Variants in MAST2 observed in about 807,000 individuals in gnomAD.
MAST2 encodes microtubule associated serine/threonine kinase 2.
MAST2 carries 70 observed loss-of-function variants against 147.4 expected under a neutral mutation model. That is an observed-to-expected ratio of 0.47 (90% confidence interval 0.39 to 0.58). The LOEUF (loss-of-function observed/expected upper bound fraction) is 0.58. Ranked by LOEUF, MAST2 falls within the 20% of genes least tolerant of loss-of-function variation. MAST2 has a pLI of 0.00. For synonymous variants in MAST2, 869 were observed against 896.8 expected, an observed-to-expected ratio of 0.97 and a Z score of 0.55; for missense variants, 2,080 against 2,302.3, an observed-to-expected ratio of 0.90 and a Z score of 1.98.
chr1:45,942,245 A>G (rs1367947136), intron 4 of MAST2, among the ~76,000 whole-genome samples: 1 of 151,830 alleles, frequency 6.6e-6, no homozygotes, highest in East Asian at 1.9e-4. Flanking sequence ...GACTGTTGCT[A>G]TCTGGCTTTG....
chr1:45,971,287 C>T (rs544190768), intron 5 of MAST2, among the ~76,000 whole-genome samples: 1 of 152,312 alleles, frequency 6.6e-6, no homozygotes, highest in Non-Finnish European at 1.5e-5. Context: ...CTCTGGAGCA[C>T]AGGTGAGTCT....
intron 4 of MAST2, among the ~76,000 whole-genome samples, chr1:45,929,236 T>A (rs1654893992): frequency 6.6e-6 from 1 of 152,196 alleles, no homozygotes; most frequent in Admixed American, 6.5e-5. Context: ...TACCCTGAAG[T>A]ACAGATAATT....
rs71587722 is a variant in MAST2 at position 45,888,663 on chromosome 1, C to CTT, written c.500+6303_500+6304dup. 3.3e-4 allele frequency among the ~76,000 whole-genome samples: 16 copies of CTT among 48,726 alleles called. 2 individuals are homozygous for CTT. The highest frequency in any genetic ancestry group is 2.3e-3 in the East Asian group (4 of 1,708). The allele number at this position is 48,726 out of a possible 152,430, so 32.0% of individuals were successfully genotyped here. On this transcript the variant is annotated intron_variant, in intron 4 of 28. Transcript: ENST00000361297. Reference sequence around the variant, plus strand: ...AGGCGTGAGCCACCGCGCGCGGCCTCTTTTTTTTTTTTTTTTTTTTTTTTT... The same window carrying CTT: ...AGGCGTGAGCCACCGCGCGCGGCCTCTTTTTTTTTTTTTTTTTTTTTTTTTTT...
At chr1:45,917,901 A>G (rs1652828741) in intron 4 of MAST2, among the ~76,000 whole-genome samples, 1 of 152,166 alleles carries the variant, frequency 6.6e-6, no homozygotes, top group African/African-American at 2.4e-5. Context: ...AACAAGTTAA[A>G]TGGTTTGTTC....
chr1:46,024,378 G>A (rs919588031), intron 15 of MAST2: 20 of 251,652 alleles, frequency 7.9e-5, no homozygotes, highest in African/African-American at 4.2e-4. Context: ...GGCTTGCAAA[G>A]GGGACACCCC....
chr1:46,031,356 G>A lies in MAST2; in HGVS notation c.2993-35G>A. 1 of 1,585,890 alleles carries A rather than the reference G, an allele frequency of 6.3e-7. No homozygotes were observed. The highest frequency in any genetic ancestry group is 8.6e-7 in the Non-Finnish European group (1 of 1,162,382). On this transcript the variant is annotated intron_variant, in intron 23 of 28. Transcript: ENST00000361297. This position sits in a 1 kb window ranked among gnomAD's most constrained non-coding sequence, Gnocchi z 4.1. ...TACTGCAGGGCAGGGAGGCTCAGCG[G>A]CATCGCGGGTCTCACTGCTTACTTG... is the stretch of plus-strand genomic sequence containing the variant.
chr1:46,033,272 CAAA>C (rs59507952), intron 26 of MAST2, among the ~76,000 whole-genome samples: 3 of 95,062 alleles, frequency 3.2e-5, no homozygotes, highest in African/African-American at 4.0e-5. Context: ...ACTCTGTTTC[CAAA>C]AAAAAAAAAA....
chr1:45,983,718 C>A (rs931144198), intron 5 of MAST2, among the ~76,000 whole-genome samples: 5 of 152,102 alleles, frequency 3.3e-5, no homozygotes, highest in Non-Finnish European at 7.4e-5. Context: ...GTCTTAAACT[C>A]CTGAACTCCA....
chr1:46,028,904 C>T lies in MAST2; in HGVS notation c.2189C>T (p.Pro730Leu), dbSNP rs756675811. 33 of 1,605,676 alleles carry T rather than the reference C, an allele frequency of 2.1e-5. No individual in the cohort carries two copies. Among genetic ancestry groups the T allele is most frequent in the South Asian group, 3.4e-5 (3 of 89,538 alleles). Residue 730 changes from proline to leucine, a missense_variant, in exon 18 of 29, where the codon CCG (proline) becomes CTG (leucine). This residue lies in a region of MAST2 where 209 missense variants were observed against 309.5 expected (regional missense o/e 0.68). Coordinates refer to ENST00000361297, the MANE Select transcript of MAST2 (RefSeq NM_015112.3). ...VGCVPFFGDT[P>L]EELFGQVISD... ...TGCGTCCCTTTTTTTGGAGATACTC[C>T]GGAGGAGCTCTTTGGGCAGGTGATC...
At chr1:45,892,777 A>G (rs1648047999) in intron 4 of MAST2, among the ~76,000 whole-genome samples, 1 of 152,246 alleles carries the variant, frequency 6.6e-6, no homozygotes. Context: ...AGAGTCTCAT[A>G]TCATAAGAAT....
chr1:45,919,483 T>A (rs1653099262), intron 4 of MAST2, among the ~76,000 whole-genome samples: 1 of 152,226 alleles, frequency 6.6e-6, no homozygotes, highest in Non-Finnish European at 1.5e-5. Context: ...AACTAAAAGT[T>A]TAAGTGAAAC....
intron 3 of MAST2, among the ~76,000 whole-genome samples, chr1:45,835,375 A>G (rs1361009531): frequency 1.3e-5 from 2 of 152,178 alleles, no homozygotes; most frequent in Non-Finnish European, 2.9e-5. Context: ...CTACTAAAAA[A>G]CAGTGTGAGA....
chr1:45,811,406 T>C (rs1343988163), intron 1 of MAST2, among the ~76,000 whole-genome samples: 1 of 150,496 alleles, frequency 6.6e-6, no homozygotes, highest in Non-Finnish European at 1.5e-5. Flanking sequence ...TGGCGCGATC[T>C]CGGCTCACTG....
intron 3 of MAST2, among the ~76,000 whole-genome samples, chr1:45,850,397 TAACTC>T (rs1313313723): frequency 6.6e-6 from 1 of 152,236 alleles, no homozygotes; most frequent in Non-Finnish European, 1.5e-5. Context: ...TGTAGGCTGT[TAACTC>T]TACTGATTGT....
Position 46,030,618 on chromosome 1 carries a change from C to T in MAST2, c.2565C>T (p.Ser855=). 1 of 1,609,850 alleles carries T rather than the reference C, an allele frequency of 6.2e-7. No homozygotes were observed. Among genetic ancestry groups the T allele is most frequent in the Non-Finnish European group, 8.5e-7 (1 of 1,178,772 alleles). The stretch of plus-strand genomic sequence containing the variant: ...CCCTGTGCCCACAGGTGTACAGCAG[C>T]ATGGAGCGGCTCTCACTGCTCGAGG... The part of the protein sequence containing the change: ...CSPRFNKVYS[S]MERLSLLEER... Residue 855 remains serine, a synonymous_variant, in exon 22 of 29, where the codon AGC becomes AGT. Coordinates refer to ENST00000361297, the MANE Select transcript of MAST2 (RefSeq NM_015112.3).
At chr1:45,917,636 C>A in intron 4 of MAST2, 2 of 831,002 alleles carry the variant, frequency 2.4e-6, no homozygotes, top group Non-Finnish European at 3.5e-6. Context: ...GAGTAAGAGT[C>A]TTGGTTCTGT....
At position 46,011,462 on chromosome 1, in the gene MAST2, G is replaced by T. The variant is rs535740588; in HGVS notation, c.1188+523G>T. 7.2e-5 allele frequency among the ~76,000 whole-genome samples: 11 copies of T among 152,302 alleles called. No homozygotes were observed. In the South Asian group the frequency reaches 2.3e-3, roughly 32 times the overall value. Reference sequence around the variant, plus strand: ...GCTGGTGTGAAAAAATCTCTGGGAGGCTAAAGGTAAAGTAATCCAGAGATG... The same window carrying T: ...GCTGGTGTGAAAAAATCTCTGGGAGTCTAAAGGTAAAGTAATCCAGAGATG... On this transcript the variant is annotated intron_variant, in intron 10 of 28. Transcript: ENST00000361297.
chr1:45,955,127 G>A (rs1256880229), intron 4 of MAST2, among the ~76,000 whole-genome samples: 2 of 152,086 alleles, frequency 1.3e-5, no homozygotes, highest in South Asian at 2.1e-4. Flanking sequence ...AAAAGCCCCT[G>A]CCCTCATACA....
intron 5 of MAST2, among the ~76,000 whole-genome samples, chr1:45,974,269 A>G (rs1463086989): frequency 6.6e-6 from 1 of 152,174 alleles, no homozygotes; most frequent in Non-Finnish European, 1.5e-5. Context: ...ATGGCTGGGT[A>G]GATGTGGTAA....
Sources: allele counts gnomAD v4.1 joint callset (sites outside exome capture counted in the v4.1 genomes callset), GRCh38; gene constraint gnomAD v4.1.1; regional missense constraint gnomAD v4.1.1; non-coding constraint Gnocchi (gnomAD v3.1); transcripts MANE v1.5; gene names NCBI Gene and HGNC (gene_info 2026-07-23, HGNC 2026-07-21).